XPO1: variants seen among roughly 807,000 people sequenced by gnomAD.
XPO1 encodes exportin-1.
XPO1 carries 5 observed loss-of-function variants against 133.3 expected under a neutral mutation model. The ratio of observed to expected loss-of-function variants is 0.04; its 90% CI spans 0.02 to 0.08. The LOEUF is 0.08. XPO1 is among the 10% of genes least tolerant of loss of function. The pLI is 1.00. For missense variants in XPO1, 506 were observed against 1,267.5 expected (o/e 0.40, Z 9.12); for synonymous variants, 419 against 408.2 (o/e 1.03, Z -0.32).
At chr2:61,505,601 C>T (rs1243775057) in intron 4 of XPO1, among the ~76,000 whole-genome samples, 1 of 152,046 alleles carries the variant, frequency 6.6e-6, no homozygotes, top group Admixed American at 6.6e-5. Context: ...CACTGTACCC[C>T]AGATTGGTGT....
intron 4 of XPO1, among the ~76,000 whole-genome samples, chr2:61,518,820 C>T (rs564468393): frequency 6.6e-6 from 1 of 152,234 alleles, no homozygotes; most frequent in South Asian, 2.1e-4. Context: ...AATGAAAATC[C>T]AGAGAAATGT....
rs776075827 is a variant in XPO1 at position 61,499,939 on chromosome 2, G to C, written c.409-45C>G. 1.9e-6 allele frequency: 3 copies of C among 1,566,040 alleles called. No individual in the cohort carries two copies. In the East Asian group the frequency reaches 6.8e-5, roughly 36 times the overall value. ...GTTAATCGCACTTCATTTCTCAAAGGCAAATAAAACAAACTTCAAAGAAAT... is the reference window on the plus strand; with the variant it reads ...GTTAATCGCACTTCATTTCTCAAAGCCAAATAAAACAAACTTCAAAGAAAT... On this transcript the variant is annotated intron_variant, in intron 6 of 24. Coordinates refer to ENST00000401558, the MANE Select transcript of XPO1 (RefSeq NM_003400.4).
chr2:61,538,077 C>A lies in XPO1; in HGVS notation c.-522G>T. The stretch of plus-strand genomic sequence containing the variant: ...CCCAAGGCTCGCCTAAACTTTCCCC[C>A]CTTCTCTTGTTCCTCAGCGACTGGT... On this transcript the variant is annotated 5_prime_UTR_variant, in exon 1 of 25. Coordinates refer to ENST00000401558, the MANE Select transcript of XPO1 (RefSeq NM_003400.4). The A allele has an allele frequency of 1.4e-5, 2 of 144,038 alleles. No individual in the cohort carries two copies. Among genetic ancestry groups the A allele is most frequent in the South Asian group, 4.8e-4 (2 of 4,188 alleles). The allele number at this position is 144,038 out of a possible 1,614,324, so 8.9% of individuals were successfully genotyped here. A position where few individuals can be genotyped will look rare whatever the true frequency, so the allele number is the denominator to read the frequency against.
At chr2:61,510,719 T>C (rs1267337224) in intron 4 of XPO1, among the ~76,000 whole-genome samples, 1 of 152,060 alleles carries the variant, frequency 6.6e-6, no homozygotes. Flanking sequence ...AGAGGATCGC[T>C]TGAGCCCAGG....
chr2:61,495,384 G>GAA lies in XPO1; in HGVS notation c.1047+69_1047+70dup, dbSNP rs74392163. 172 of 1,297,226 alleles carry GAA rather than the reference G, an allele frequency of 1.3e-4. 1 individual carries two copies. In the African/African-American group the frequency reaches 2.1e-3, roughly 16 times the overall value. The allele number at this position is 1,297,226 out of a possible 1,614,324, so 80.4% of individuals were successfully genotyped here. On this transcript the variant is annotated intron_variant, in intron 11 of 24. Coordinates refer to ENST00000401558, the MANE Select transcript of XPO1 (RefSeq NM_003400.4). ...AATCTCAAAAGGTACATACATTTTA[G>GAA]AAAAAGGCACTTTTAAGAGTTATTA...
intron 4 of XPO1, among the ~76,000 whole-genome samples, chr2:61,521,750 T>TTG (rs1698700021): frequency 6.6e-6 from 1 of 152,052 alleles, no homozygotes; most frequent in African/African-American, 2.4e-5. Flanking sequence ...TATGGTTTTT[T>TTG]TTGTTGTTGT....
chr2:61,526,229 C>A (rs924607926), intron 3 of XPO1, 191 bp downstream of exon 3: 3 of 1,389,610 alleles, frequency 2.2e-6, no homozygotes, highest in African/African-American at 1.5e-5. Context: ...AGTCCCATTA[C>A]AAAACTTCAT....
At chr2:61,517,763 C>CT (rs1285863090) in intron 4 of XPO1, among the ~76,000 whole-genome samples, 1 of 152,008 alleles carries the variant, frequency 6.6e-6, no homozygotes, top group Non-Finnish European at 1.5e-5. Flanking sequence ...CAGTGAGACT[C>CT]TATCTCTAAA....
intron 21 of XPO1, 38 bp downstream of exon 21, chr2:61,483,899 T>A: frequency 6.3e-7 from 1 of 1,597,326 alleles, no homozygotes; most frequent in Non-Finnish European, 8.5e-7. Flanking sequence ...TATTTTTGGA[T>A]TGGCAGGCAA....
intron 3 of XPO1, chr2:61,525,998 C>T: frequency 1.9e-6 from 2 of 1,061,300 alleles, no homozygotes; most frequent in Non-Finnish European, 2.3e-6. Context: ...AGTGCTGTCC[C>T]ATTAGAAGCC....
rs920621418 is a variant in XPO1 at position 61,478,802 on chromosome 2, A to G, written c.*18T>C. The G allele has an allele frequency of 6.2e-7, 1 of 1,610,332 alleles. No homozygotes were observed. Among genetic ancestry groups the G allele is most frequent in the South Asian group, 1.1e-5 (1 of 90,410 alleles). On this transcript the variant is annotated 3_prime_UTR_variant, in exon 25 of 25. Transcript: ENST00000401558. ...TGCTAACGAGTTGCAGAGAAAAAAA[A>G]CAGCATGAATTTGGATTTTAATCAC...
intron 4 of XPO1, among the ~76,000 whole-genome samples, chr2:61,504,137 A>G (rs1426792367): frequency 2.0e-5 from 3 of 152,194 alleles, no homozygotes; most frequent in African/African-American, 7.2e-5. Flanking sequence ...CTTCACACAC[A>G]CAATGTTAAA....
chr2:61,513,360 T>G (rs1698190030), intron 4 of XPO1, among the ~76,000 whole-genome samples: 2 of 104,192 alleles, frequency 1.9e-5, no homozygotes, highest in African/African-American at 7.7e-5. Context: ...ACGTACAGAA[T>G]ATCTTTTTTT....
chr2:61,492,489 TAA>T lies in XPO1; in HGVS notation c.1567-10_1567-9del, dbSNP rs1488295855. 6.3e-7 allele frequency: 1 copy of T among 1,587,178 alleles called. No homozygotes were observed. Among genetic ancestry groups the T allele is most frequent in the East Asian group, 2.2e-5 (1 of 44,726 alleles). ...ACATAATCCTAATAGATCCTGTAAA[TAA>T]GACAAATTTGTATTATTTATTGTAA... On this transcript the variant is annotated splice_polypyrimidine_tract_variant and intron_variant, in intron 14 of 24. Transcript: ENST00000401558. This position sits in a 1 kb window ranked among gnomAD's most constrained non-coding sequence, Gnocchi z 5.6.
Position 61,493,960 on chromosome 2 carries a change from C to A in XPO1, c.1179G>T (p.Leu393Phe). 1.2e-6 allele frequency: 2 copies of A among 1,614,084 alleles called. No individual in the cohort carries two copies. The highest frequency in any genetic ancestry group is 1.7e-6 in the Non-Finnish European group (2 of 1,180,000). The part of the protein sequence containing the change: ...ESPFSTSASP[L>F]LSGSQHFDVP... Reference sequence around the variant, plus strand: ...CATCAAAATGTTGACTTCCAGAAAGCAACGGAGAGGCAGATGTAGAGAATG... The same window carrying A: ...CATCAAAATGTTGACTTCCAGAAAGAAACGGAGAGGCAGATGTAGAGAATG... Residue 393 changes from leucine to phenylalanine, a missense_variant, in exon 12 of 25, where the codon TTG (leucine) becomes TTT (phenylalanine). By Grantham distance (22) the Leu-to-Phe change is conservative. Coordinates refer to ENST00000401558, the MANE Select transcript of XPO1 (RefSeq NM_003400.4).
chr2:61,523,414 A>G (rs1020107775), intron 3 of XPO1, among the ~76,000 whole-genome samples: 1 of 152,212 alleles, frequency 6.6e-6, no homozygotes, highest in Non-Finnish European at 1.5e-5. Context: ...CTTTCAAGCC[A>G]TTTTGTCCCT....
chr2:61,517,397 A>T (rs1698447260), intron 4 of XPO1, among the ~76,000 whole-genome samples: 2 of 152,142 alleles, frequency 1.3e-5, no homozygotes, highest in South Asian at 4.1e-4. Flanking sequence ...AAGCCTGGAC[A>T]ACATAGGCAA....
At chr2:61,486,875 G>T (rs551680092) in intron 19 of XPO1, among the ~76,000 whole-genome samples, 1 of 151,904 alleles carries the variant, frequency 6.6e-6, no homozygotes, top group Non-Finnish European at 1.5e-5. Context: ...GGGGTGATTC[G>T]CCTGCCTTAC....
intron 16 of XPO1, among the ~76,000 whole-genome samples, chr2:61,491,348 G>C (rs1435616593): frequency 2.7e-5 from 4 of 149,494 alleles, no homozygotes; most frequent in Non-Finnish European, 5.9e-5. Flanking sequence ...GTTAATCATA[G>C]CCACTGAGGA....
Sources: gnomAD v4.1 joint callset for allele counts (sites outside exome capture counted in the v4.1 genomes callset) on GRCh38, gnomAD v4.1.1 for gene constraint, Gnocchi (gnomAD v3.1) non-coding constraint, MANE v1.5 for transcripts, NCBI Gene and HGNC (gene_info 2026-07-23, HGNC 2026-07-21) for gene names.